PAIP2B: variants seen among roughly 807,000 people sequenced by gnomAD.
PAIP2B encodes the protein polyadenylate-binding protein-interacting protein 2B.
A neutral mutation model predicts 17.0 loss-of-function variants in PAIP2B; 13 were observed. The ratio of observed to expected loss-of-function variants is 0.76; its 90% CI spans 0.50 to 1.22. The LOEUF (loss-of-function observed/expected upper bound fraction) is 1.22. PAIP2B is among the 50% of genes most tolerant of loss of function. The pLI is 0.00. For synonymous variants in PAIP2B, 43 were observed against 48.7 expected (o/e 0.88, Z 0.48); for missense variants, 117 against 144.5 (o/e 0.81, Z 0.98).
At position 71,198,684 on chromosome 2, in the gene PAIP2B, G is replaced by A. The variant is rs557767960; in HGVS notation, c.138+3768C>T. On this transcript the variant is annotated intron_variant, in intron 2 of 3. Coordinates refer to ENST00000244221, the MANE Select transcript of PAIP2B (RefSeq NM_020459.1). ...GTGATCCCCGCCTCAGCCTCCCAAA[G>A]TCCTGGGATTACAGGTGTGAGCCAC... Among the ~76,000 whole-genome samples, 599 of 152,254 alleles carry A rather than the reference G, an allele frequency of 3.9e-3. 6 individuals are homozygous for A. The highest frequency in any genetic ancestry group is 0.014 in the African/African-American group (580 of 41,542).
rs1385767671 is a variant in PAIP2B, at chr2:71,185,504, G to T, written c.*2975C>A. Reference sequence around the variant, plus strand: ...GATTGCTTGAGCCTAGGAATTTGATGCTGCAGTGAGCTATGGTCATACCAC... The same window carrying T: ...GATTGCTTGAGCCTAGGAATTTGATTCTGCAGTGAGCTATGGTCATACCAC... On this transcript the variant is annotated 3_prime_UTR_variant, in exon 4 of 4. Coordinates refer to ENST00000244221, the MANE Select transcript of PAIP2B (RefSeq NM_020459.1). 1 of 150,996 alleles carries T rather than the reference G, an allele frequency of 6.6e-6. No homozygotes were observed. Among genetic ancestry groups the T allele is most frequent in the African/African-American group, 2.4e-5 (1 of 40,966 alleles). The allele number at this position is 150,996 out of a possible 1,614,324, so 9.4% of individuals were successfully genotyped here. A position where few individuals can be genotyped will look rare whatever the true frequency, so the allele number is the denominator to read the frequency against.
intron 2 of PAIP2B, among the ~76,000 whole-genome samples, chr2:71,199,924 G>A (rs1194926496): frequency 1.3e-5 from 2 of 152,138 alleles, no homozygotes; most frequent in East Asian, 1.9e-4. Flanking sequence ...TAACTAGTAT[G>A]TTAGGTCTTA....
intron 1 of PAIP2B, among the ~76,000 whole-genome samples, chr2:71,214,873 G>A (rs146314960): frequency 5.3e-4 from 80 of 152,184 alleles, no homozygotes; most frequent in African/African-American, 1.7e-3. Context: ...CAGTTTCCAA[G>A]GATGATTAGA....
chr2:71,197,446 A>G (rs357767), intron 2 of PAIP2B, among the ~76,000 whole-genome samples: 114,714 of 152,032 alleles, frequency 0.75, 43,721 homozygotes, highest in East Asian at 1. Flanking sequence ...TGTCTTTAAT[A>G]TTCTTTCATT....
chr2:71,199,963 A>C (rs908134785), intron 2 of PAIP2B, among the ~76,000 whole-genome samples: 10 of 152,206 alleles, frequency 6.6e-5, no homozygotes, highest in South Asian at 4.1e-4. Context: ...ACTTTAAAAT[A>C]AAAGTCCCAC....
Position 71,184,632 on chromosome 2 carries a change from G to A in PAIP2B, c.*3847C>T, listed in dbSNP as rs1455047445. On this transcript the variant is annotated 3_prime_UTR_variant, in exon 4 of 4. Coordinates refer to ENST00000244221, the MANE Select transcript of PAIP2B (RefSeq NM_020459.1). ...AAGGCAGCAGAGCAGAGGCTGCAGA[G>A]GTGCTCTGTCTACCGGGAGAACTAA... 2.6e-5 allele frequency: 4 copies of A among 152,222 alleles called. No individual in the cohort carries two copies. The highest frequency in any genetic ancestry group is 4.4e-5 in the Non-Finnish European group (3 of 68,036). The allele number at this position is 152,222 out of a possible 1,614,324, so 9.4% of individuals were successfully genotyped here. A position where few individuals can be genotyped will look rare whatever the true frequency, so the allele number is the denominator to read the frequency against.
In PAIP2B at chr2:71,185,581, A is replaced by C. The variant is rs1674516108; in HGVS notation, c.*2898T>G. 1 of 150,660 alleles carries C rather than the reference A, an allele frequency of 6.6e-6. No homozygotes were observed. Among genetic ancestry groups the C allele is most frequent in the Admixed American group, 6.6e-5 (1 of 15,184 alleles). The allele number at this position is 150,660 out of a possible 1,614,324, so 9.3% of individuals were successfully genotyped here. A position where few individuals can be genotyped will look rare whatever the true frequency, so the allele number is the denominator to read the frequency against. On this transcript the variant is annotated 3_prime_UTR_variant, in exon 4 of 4. Coordinates refer to ENST00000244221, the MANE Select transcript of PAIP2B (RefSeq NM_020459.1). Reference sequence around the variant, plus strand: ...AGACTATGTCTCAAAAAAAAAGAAAAAAAAAAAAAAAAGAGGGACCCCAGC... The same window carrying C: ...AGACTATGTCTCAAAAAAAAAGAAACAAAAAAAAAAAAGAGGGACCCCAGC...
chr2:71,221,815 C>A (rs1208877456), intron 1 of PAIP2B, among the ~76,000 whole-genome samples: 2 of 152,170 alleles, frequency 1.3e-5, no homozygotes, highest in Non-Finnish European at 2.9e-5. Context: ...TTTCCTCTTA[C>A]AAGAGGATTG....
chr2:71,194,475 G>GTA (rs1674766033), intron 2 of PAIP2B, among the ~76,000 whole-genome samples: 1 of 151,658 alleles, frequency 6.6e-6, no homozygotes, highest in South Asian at 2.1e-4. Flanking sequence ...GTGTGTGTGT[G>GTA]TGTGTGTGTG....
intron 1 of PAIP2B, among the ~76,000 whole-genome samples, chr2:71,224,805 T>A (rs990073776): frequency 2.6e-5 from 4 of 152,192 alleles, no homozygotes; most frequent in Non-Finnish European, 5.9e-5. Flanking sequence ...TAAGAAGAAA[T>A]CATAGCTAGA....
rs1674561878 is a variant in PAIP2B, at chr2:71,187,139, T to G, written c.*1340A>C. 1 of 152,274 alleles carries G rather than the reference T, an allele frequency of 6.6e-6. No individual in the cohort carries two copies. The highest frequency in any genetic ancestry group is 1.5e-5 in the Non-Finnish European group (1 of 68,098). The allele number at this position is 152,274 out of a possible 1,614,324, so 9.4% of individuals were successfully genotyped here. On this transcript the variant is annotated 3_prime_UTR_variant, in exon 4 of 4. Transcript: ENST00000244221. The stretch of plus-strand genomic sequence containing the variant: ...GGGAGAATGGCCTGGATGGCTCTCC[T>G]GTACCCCACACTGCCATCTACATCT...
intron 1 of PAIP2B, among the ~76,000 whole-genome samples, chr2:71,206,714 T>C (rs1225442412): frequency 6.6e-6 from 1 of 152,244 alleles, no homozygotes; most frequent in African/African-American, 2.4e-5. Context: ...ACTTAAATAA[T>C]ATTTTTCAGA....
At chr2:71,209,211 A>G (rs115221818) in intron 1 of PAIP2B, among the ~76,000 whole-genome samples, 292 of 152,292 alleles carry the variant, frequency 1.9e-3, no homozygotes, top group Admixed American at 5.2e-3. Flanking sequence ...CAAGTATGAG[A>G]TAACTCAGAG....
intron 2 of PAIP2B, 94 bp from the exon 3 acceptor site, chr2:71,190,115 C>T: frequency 8.1e-7 from 1 of 1,239,028 alleles, no homozygotes; most frequent in Non-Finnish European, 1.1e-6. Context: ...GAAGGTATTA[C>T]TCTGCAATTA....
Position 71,188,522 on chromosome 2 carries a change from A to G in PAIP2B, c.329T>C (p.Leu110Pro). Residue 110 changes from leucine to proline, a missense_variant, in exon 4 of 4, where the codon CTG (leucine) becomes CCG (proline). Physicochemically the swap from Leu to Pro is moderately conservative, Grantham distance 98. Transcript: ENST00000244221. ...AATAAACTCCTTGGCATCTGGGTTC[A>G]GGTTACTTTTGCTCTGAAATAAGAA... ...DSEDILSKSN[L>P]NPDAKEFIPG... The G allele has an allele frequency of 6.2e-7, 1 of 1,609,240 alleles. No individual in the cohort carries two copies. The highest frequency in any genetic ancestry group is 8.5e-7 in the Non-Finnish European group (1 of 1,177,764).
At chr2:71,195,591 T>C (rs1674795894) in intron 2 of PAIP2B, among the ~76,000 whole-genome samples, 2 of 152,146 alleles carry the variant, frequency 1.3e-5, no homozygotes, top group Non-Finnish European at 2.9e-5. Context: ...ATTGTGTTTA[T>C]TTGGATCTTC....
intron 1 of PAIP2B, among the ~76,000 whole-genome samples, chr2:71,205,103 CAGAT>C (rs1675092925): frequency 6.6e-6 from 1 of 151,702 alleles, no homozygotes; most frequent in Non-Finnish European, 1.5e-5. Context: ...AGGTGGAACA[CAGAT>C]AGCAAATTCC....
At chr2:71,203,509 C>G (rs1342959015) in intron 1 of PAIP2B, among the ~76,000 whole-genome samples, 1 of 151,852 alleles carries the variant, frequency 6.6e-6, no homozygotes, top group Admixed American at 6.6e-5. Context: ...TTCATGAGTA[C>G]TATCATTTTC....
chr2:71,203,169 G>A (rs1675030113), intron 1 of PAIP2B, among the ~76,000 whole-genome samples: 1 of 151,978 alleles, frequency 6.6e-6, no homozygotes, highest in African/African-American at 2.4e-5. Flanking sequence ...ATATGTTTGT[G>A]TATACACAAA....
Sources: gnomAD v4.1 joint callset for allele counts (sites outside exome capture counted in the v4.1 genomes callset) on GRCh38, gnomAD v4.1.1 for gene constraint, MANE v1.5 for transcripts, NCBI Gene and HGNC (gene_info 2026-07-23, HGNC 2026-07-21) for gene names.